The following VPS41 variants were observed in gnomAD, a reference collection of about 807,000 sequenced individuals.
The protein encoded by VPS41 is vacuolar protein sorting-associated protein 41 homolog.
Under a neutral mutation model 130.9 loss-of-function variants are expected in VPS41, and 85 were observed. The ratio of observed to expected loss-of-function variants is 0.65; its 90% CI spans 0.55 to 0.78. The LOEUF (loss-of-function observed/expected upper bound fraction) is 0.78. Ranked by LOEUF, VPS41 falls within the 30% of genes least tolerant of loss-of-function variation. The pLI is 0.00. For synonymous variants in VPS41, 335 were observed against 332.9 expected (o/e 1.01, Z -0.07); for missense variants, 874 against 1,018.7 (o/e 0.86, Z 1.93).
intron 7 of VPS41, among the ~76,000 whole-genome samples, chr7:38,816,855 C>T (rs1390797743): frequency 6.6e-6 from 1 of 152,158 alleles, no homozygotes; most frequent in Non-Finnish European, 1.5e-5. Context: ...AAGTGATCCT[C>T]CCACCTCAGC....
intron 25 of VPS41, 34 bp from the exon 26 acceptor site, chr7:38,728,825 A>G: frequency 5.0e-6 from 8 of 1,592,690 alleles, no homozygotes; most frequent in Non-Finnish European, 6.9e-6. Flanking sequence ...AAGCCATCTT[A>G]AGTAGACTCA....
chr7:38,747,643 C>T (rs6949958), intron 22 of VPS41, among the ~76,000 whole-genome samples: 136,252 of 152,222 alleles, frequency 0.9, 61,064 homozygotes, highest in East Asian at 0.99. Flanking sequence ...TGAAGCCTCA[C>T]CTGAGTTATC....
chr7:38,811,698 C>T (rs904477345), intron 7 of VPS41, among the ~76,000 whole-genome samples: 6 of 151,220 alleles, frequency 4.0e-5, no homozygotes, highest in African/African-American at 1.5e-4. Flanking sequence ...AAATAATTTG[C>T]TTGTATTACC....
intron 5 of VPS41, among the ~76,000 whole-genome samples, chr7:38,825,027 T>C (rs917921554): frequency 6.6e-5 from 10 of 152,092 alleles, no homozygotes; most frequent in Admixed American, 3.3e-4. Context: ...AAGAGTATAG[T>C]GATAAAGAGG....
At chr7:38,782,548 A>G (rs998571273) in intron 10 of VPS41, among the ~76,000 whole-genome samples, 1 of 152,180 alleles carries the variant, frequency 6.6e-6, no homozygotes, top group Non-Finnish European at 1.5e-5. Context: ...AGTTTGAAAA[A>G]TTATGCTGCC....
chr7:38,849,490 C>G (rs968493922), intron 4 of VPS41, among the ~76,000 whole-genome samples: 1 of 152,182 alleles, frequency 6.6e-6, no homozygotes, highest in Non-Finnish European at 1.5e-5. Context: ...TAGCTCTCAG[C>G]AGATGGGGGA....
chr7:38,795,180 G>C (rs185002997), intron 9 of VPS41, among the ~76,000 whole-genome samples: 31 of 152,270 alleles, frequency 2.0e-4, no homozygotes. Flanking sequence ...TCTGTAAATA[G>C]CTAAGGCCAG....
chr7:38,907,635 G>C lies in VPS41; in HGVS notation c.21+1519C>G, dbSNP rs1787297027. Among the ~76,000 whole-genome samples, 3 of 152,142 alleles carry C rather than the reference G, an allele frequency of 2.0e-5. No individual in the cohort carries two copies. In the South Asian group the frequency reaches 6.2e-4, roughly 31 times the overall value. On this transcript the variant is annotated intron_variant, in intron 1 of 28. Transcript: ENST00000310301. ...TTATTATATCCCTAATTTTGTATGTGTCATTTTTATATCAGACAACTTTGT... is the reference window on the plus strand; with the variant it reads ...TTATTATATCCCTAATTTTGTATGTCTCATTTTTATATCAGACAACTTTGT...
chr7:38,823,658 G>T (rs1401646111), intron 5 of VPS41, among the ~76,000 whole-genome samples: 2 of 152,120 alleles, frequency 1.3e-5, no homozygotes, highest in African/African-American at 4.8e-5. Flanking sequence ...TGCATTAAAA[G>T]TTAAAGTTTT....
At chr7:38,831,693 C>T (rs538738309) in intron 4 of VPS41, among the ~76,000 whole-genome samples, 1 of 152,342 alleles carries the variant, frequency 6.6e-6, no homozygotes, top group Admixed American at 6.5e-5. Flanking sequence ...CTGGCATACA[C>T]AAGATCTGTT....
At chr7:38,818,231 A>T (rs965187898) in intron 6 of VPS41, among the ~76,000 whole-genome samples, 1 of 131,280 alleles carries the variant, frequency 7.6e-6, no homozygotes, top group African/African-American at 3.0e-5. Context: ...AACTGGATAC[A>T]ATTTACAGAA....
At chr7:38,893,546 TAAG>T (rs2116423468) in intron 2 of VPS41, among the ~76,000 whole-genome samples, 1 of 152,258 alleles carries the variant, frequency 6.6e-6, no homozygotes, top group East Asian at 1.9e-4. Flanking sequence ...AAACACCATC[TAAG>T]AAGTAGTCTG....
intron 6 of VPS41, among the ~76,000 whole-genome samples, chr7:38,819,892 G>T (rs962762673): frequency 3.3e-5 from 5 of 151,952 alleles, no homozygotes; most frequent in Non-Finnish European, 7.4e-5. Context: ...TTCAACTATG[G>T]TTATCACGTT....
chr7:38,878,161 C>A (rs1786529717), intron 2 of VPS41, among the ~76,000 whole-genome samples: 1 of 152,012 alleles, frequency 6.6e-6, no homozygotes, highest in Non-Finnish European at 1.5e-5. Context: ...GTGGGCACTG[C>A]AGGGACCAGA....
At chr7:38,728,961 T>A (rs997417391) in intron 25 of VPS41, among the ~76,000 whole-genome samples, 170 bp from the exon 26 acceptor site, 3 of 152,196 alleles carry the variant, frequency 2.0e-5, no homozygotes, top group African/African-American at 7.2e-5. Flanking sequence ...ACTGCCAGGC[T>A]GACCTGGCCA....
intron 1 of VPS41, among the ~76,000 whole-genome samples, chr7:38,900,213 C>T (rs1289786071): frequency 6.6e-6 from 1 of 152,142 alleles, no homozygotes; most frequent in African/African-American, 2.4e-5. Context: ...GCTGTGATTG[C>T]GTCACTGCGT....
intron 23 of VPS41, among the ~76,000 whole-genome samples, chr7:38,743,978 C>T (rs539692952): frequency 6.6e-6 from 1 of 152,294 alleles, no homozygotes; most frequent in Admixed American, 6.5e-5. Context: ...CATGCAGATA[C>T]ACTTAAAATG....
chr7:38,806,740 T>C (rs1424151054), intron 7 of VPS41, among the ~76,000 whole-genome samples: 2 of 152,170 alleles, frequency 1.3e-5, no homozygotes, highest in Non-Finnish European at 2.9e-5. Context: ...AGACCATACA[T>C]ATATTTTAGA....
chr7:38,817,495 G>A (rs566747146), intron 7 of VPS41, among the ~76,000 whole-genome samples: 5 of 152,278 alleles, frequency 3.3e-5, no homozygotes, highest in Admixed American at 2.6e-4. Context: ...GTGGGCATCC[G>A]TAATCCCAGC....
Sources: allele counts gnomAD v4.1 joint callset (sites outside exome capture counted in the v4.1 genomes callset), GRCh38; gene constraint gnomAD v4.1.1; transcripts MANE v1.5; gene names NCBI Gene and HGNC (gene_info 2026-07-23, HGNC 2026-07-21).